Variants in RASSF3 observed in about 807,000 individuals in gnomAD.
The protein encoded by RASSF3 is ras association domain-containing protein 3.
Under a neutral mutation model 19.9 loss-of-function variants are expected in RASSF3, and 19 were observed. The observed-to-expected ratio is 0.96, with a 90% confidence interval of 0.67 to 1.40. The LOEUF (loss-of-function observed/expected upper bound fraction) is 1.40, where lower values mean the gene tolerates loss of function less well. Among genes scored for constraint, RASSF3 ranks in the 40% most tolerant of loss-of-function variants. The pLI is 0.00. For synonymous variants in RASSF3, 110 were observed against 104.2 expected (o/e 1.06, Z -0.34); for missense variants, 306 against 289.8 (o/e 1.06, Z -0.41).
rs1317165714 is a variant in RASSF3, at chr12:64,625,604, G to C, written c.111+14861G>C. Among the ~76,000 whole-genome samples, 7 of 152,156 alleles carry C rather than the reference G, an allele frequency of 4.6e-5. No individual in the cohort carries two copies. The East Asian group carries it at 1.3e-3, about 29-fold the overall frequency. On this transcript the variant is annotated intron_variant, in intron 1 of 4. Coordinates refer to ENST00000542104, the MANE Select transcript of RASSF3 (RefSeq NM_178169.4). Reference sequence around the variant, plus strand: ...CAGAAAGTCTTGTGCTCATGGTTTAGGAACTTAGTCACTGTCGTCTTTCTG... The same window carrying C: ...CAGAAAGTCTTGTGCTCATGGTTTACGAACTTAGTCACTGTCGTCTTTCTG...
intron 1 of RASSF3, among the ~76,000 whole-genome samples, chr12:64,632,256 C>T (rs1208059801): frequency 2.6e-5 from 4 of 151,956 alleles, no homozygotes; most frequent in East Asian, 1.9e-4. Context: ...AAGGTTGCCA[C>T]GCCAAAGGTG....
At chr12:64,620,014 C>CTGTGTGTGTGTGTGTGTGTGTGTGTGTG (rs68044550) in intron 1 of RASSF3, among the ~76,000 whole-genome samples, 27 of 134,166 alleles carry the variant, frequency 2.0e-4, no homozygotes, top group Non-Finnish European at 2.6e-4. Context: ...TGCAGGTTGA[C>CTGTGTGTGTGTGTGTGTGTGTGTGTGTG]TGTGTGTGTG....
intron 2 of RASSF3, among the ~76,000 whole-genome samples, chr12:64,594,990 G>GAC (rs1565845758): frequency 1.4e-5 from 2 of 147,310 alleles, no homozygotes; most frequent in East Asian, 2.0e-4. Context: ...CACACACACA[G>GAC]ACACACACAC....
intron 2 of RASSF3, among the ~76,000 whole-genome samples, chr12:64,604,218 C>T (rs1407528080): frequency 1.3e-5 from 2 of 150,930 alleles, no homozygotes; most frequent in Admixed American, 6.6e-5. Flanking sequence ...CTTGACCTCC[C>T]AGGCTCAAGC....
downstream of RASSF3, among the ~76,000 whole-genome samples, chr12:64,546,416 G>C (rs1294769475): frequency 6.6e-6 from 1 of 152,000 alleles, no homozygotes; most frequent in Non-Finnish European, 1.5e-5. Flanking sequence ...GACTACAGGC[G>C]CCTGCCACCA....
intron 1 of RASSF3, among the ~76,000 whole-genome samples, chr12:64,535,481 C>A (rs924886459): frequency 6.6e-6 from 1 of 152,024 alleles, no homozygotes; most frequent in Non-Finnish European, 1.5e-5. Context: ...CCTCCCACCT[C>A]AGCCTCCTGA....
intron 2 of RASSF3, among the ~76,000 whole-genome samples, chr12:64,595,056 T>C (rs1196862030): frequency 2.1e-5 from 3 of 141,834 alleles, no homozygotes; most frequent in East Asian, 2.1e-4. Flanking sequence ...TGACTTTTCA[T>C]ATGAAATCTT....
intron 2 of RASSF3, among the ~76,000 whole-genome samples, chr12:64,687,263 A>G (rs963480841): frequency 2.0e-5 from 3 of 152,070 alleles, no homozygotes; most frequent in Non-Finnish European, 4.4e-5. Context: ...CGGCCTCCCA[A>G]AGTGCTGAGA....
intron 1 of RASSF3, among the ~76,000 whole-genome samples, chr12:64,657,889 C>T (rs1872215496): frequency 6.6e-6 from 1 of 152,060 alleles, no homozygotes; most frequent in Non-Finnish European, 1.5e-5. Context: ...TCAAGACCAG[C>T]CTGGGCGAGA....
At chr12:64,625,970 C>G (rs112301070) in intron 1 of RASSF3, among the ~76,000 whole-genome samples, 1 of 152,132 alleles carries the variant, frequency 6.6e-6, no homozygotes, top group South Asian at 2.1e-4. Flanking sequence ...TCCTACAGGC[C>G]GGATGCGCCT....
chr12:64,597,668 G>T (rs1870018685), intron 2 of RASSF3, among the ~76,000 whole-genome samples: 1 of 151,620 alleles, frequency 6.6e-6, no homozygotes, highest in African/African-American at 2.4e-5. Flanking sequence ...ATGTTGCCCA[G>T]GCTGGTCTCG....
At chr12:64,548,287 C>G (rs1321823365) in intron 2 of RASSF3, among the ~76,000 whole-genome samples, 2 of 152,286 alleles carry the variant, frequency 1.3e-5, no homozygotes, top group East Asian at 3.9e-4. Flanking sequence ...TCAAGGGATC[C>G]TCAGCCTCCC....
At chr12:64,628,906 G>A (rs910975663) in intron 1 of RASSF3, among the ~76,000 whole-genome samples, 2 of 151,844 alleles carry the variant, frequency 1.3e-5, no homozygotes, top group Non-Finnish European at 2.9e-5. Context: ...TAAAATGCCA[G>A]AGTCAGTTGT....
At chr12:64,620,114 C>T (rs1442856169) in intron 1 of RASSF3, among the ~76,000 whole-genome samples, 3 of 148,994 alleles carry the variant, frequency 2.0e-5, no homozygotes, top group Non-Finnish European at 4.4e-5. Context: ...TGGTGGTGAA[C>T]GAAACAGATT....
upstream of RASSF3, chr12:64,609,471 C>T (rs190083001): frequency 1.3e-5 from 2 of 152,316 alleles, no homozygotes; most frequent in East Asian, 3.9e-4. Flanking sequence ...TCTTCTGAAG[C>T]TCGCTAACTA....
intron 1 of RASSF3, among the ~76,000 whole-genome samples, chr12:64,520,927 C>T (rs747730401): frequency 6.6e-6 from 1 of 152,000 alleles, no homozygotes; most frequent in South Asian, 2.1e-4. Context: ...AACAGCATCC[C>T]GAAGGGCTCC....
chr12:64,604,394 AG>A (rs746370341), intron 2 of RASSF3, among the ~76,000 whole-genome samples: 8 of 152,022 alleles, frequency 5.3e-5, no homozygotes, highest in Non-Finnish European at 4.4e-5. Context: ...TCCAAATGGT[AG>A]GATTACAGGT....
At chr12:64,610,159 G>C (rs960668759), upstream of RASSF3, among the ~76,000 whole-genome samples, 2 of 152,150 alleles carry the variant, frequency 1.3e-5, no homozygotes, top group Non-Finnish European at 2.9e-5. Context: ...TCCGAAACTC[G>C]AGCCAGCGAG....
intron 1 of RASSF3, chr12:64,533,397 A>T (rs542884734): frequency 1.3e-5 from 2 of 152,352 alleles, no homozygotes; most frequent in East Asian, 3.9e-4. Context: ...ATAAGTCCCC[A>T]TGTCGGTTCA....
Sources: allele counts gnomAD v4.1 joint callset (sites outside exome capture counted in the v4.1 genomes callset), GRCh38; gene constraint gnomAD v4.1.1; transcripts MANE v1.5; gene names NCBI Gene and HGNC (gene_info 2026-07-23, HGNC 2026-07-21).